Variants in ITGB5 observed in about 807,000 individuals in gnomAD.
The protein encoded by ITGB5 is integrin subunit beta 5.
ITGB5 carries 38 observed loss-of-function variants against 84.8 expected under a neutral mutation model. That is an observed-to-expected ratio of 0.45 (90% confidence interval 0.35 to 0.59). The LOEUF (loss-of-function observed/expected upper bound fraction) is 0.59. ITGB5 is among the 20% of genes least tolerant of loss of function. ITGB5 has a pLI of 0.01. For missense variants in ITGB5, 905 were observed against 1,034.5 expected, an observed-to-expected ratio of 0.87 and a Z score of 1.72; for synonymous variants, 393 against 414.4, an observed-to-expected ratio of 0.95 and a Z score of 0.63.
intron 2 of ITGB5, among the ~76,000 whole-genome samples, chr3:124,869,579 T>C (rs1355145000): frequency 6.6e-6 from 1 of 152,064 alleles, no homozygotes; most frequent in Non-Finnish European, 1.5e-5. Context: ...CTGCCTCAAA[T>C]GAATAAATAA....
At chr3:124,881,860 C>T (rs755674851) in intron 1 of ITGB5, among the ~76,000 whole-genome samples, 1 of 152,060 alleles carries the variant, frequency 6.6e-6, no homozygotes, top group South Asian at 2.1e-4. Flanking sequence ...CCCAGCTACT[C>T]GGGAGGCTGA....
At chr3:124,848,847 T>C (rs1188543533) in intron 3 of ITGB5, among the ~76,000 whole-genome samples, 1 of 152,192 alleles carries the variant, frequency 6.6e-6, no homozygotes. Flanking sequence ...TGGTGCGATC[T>C]TGGCTCACTG....
At chr3:124,818,994 TAGCTTACATG>T (rs1579246734) in intron 7 of ITGB5, among the ~76,000 whole-genome samples, 1 of 152,212 alleles carries the variant, frequency 6.6e-6, no homozygotes, top group Non-Finnish European at 1.5e-5. Context: ...AGTTTACATT[TAGCTTACATG>T]AGCACACCGA....
intron 1 of ITGB5, among the ~76,000 whole-genome samples, chr3:124,875,790 G>A (rs1934282832): frequency 6.6e-6 from 1 of 152,126 alleles, no homozygotes; most frequent in Non-Finnish European, 1.5e-5. Flanking sequence ...TTTAAAAAGT[G>A]GTATACACAT....
At chr3:124,898,705 G>A (rs1286910131) in intron 1 of ITGB5, among the ~76,000 whole-genome samples, 77 of 139,148 alleles carry the variant, frequency 5.5e-4, no homozygotes, top group Admixed American at 1.1e-3. Context: ...TGAAGCAGGA[G>A]GATCACTTGA....
intron 4 of ITGB5, among the ~76,000 whole-genome samples, chr3:124,845,405 C>T (rs532947468): frequency 2.0e-5 from 3 of 152,342 alleles, no homozygotes; most frequent in Non-Finnish European, 4.4e-5. Context: ...AGACAAAGCT[C>T]GGCCTGCTCA....
intron 10 of ITGB5, 49 bp downstream of exon 10, chr3:124,796,339 C>T (rs748226351): frequency 3.4e-5 from 51 of 1,512,210 alleles, no homozygotes; most frequent in Non-Finnish European, 4.2e-5. Context: ...GGTGTCCTAA[C>T]GGCATCTTGG....
intron 4 of ITGB5, among the ~76,000 whole-genome samples, chr3:124,847,933 C>T (rs2065099258): frequency 6.6e-6 from 1 of 152,074 alleles, no homozygotes; most frequent in South Asian, 2.1e-4. Context: ...ATTCATTTCT[C>T]CCAAAGCACC....
At chr3:124,769,237 G>C in intron 11 of ITGB5, 124 bp from the exon 12 acceptor site, 1 of 697,648 alleles carries the variant, frequency 1.4e-6, no homozygotes, top group Non-Finnish European at 2.4e-6. Flanking sequence ...CAGATGTTCA[G>C]CCTCAGGGAA....
At chr3:124,810,669 A>G (rs2064485593) in intron 8 of ITGB5, among the ~76,000 whole-genome samples, 1 of 152,190 alleles carries the variant, frequency 6.6e-6, no homozygotes, top group South Asian at 2.1e-4. Context: ...TCCACTTTGG[A>G]GACTGAGGCC....
In ITGB5 at chr3:124,874,496, C is replaced by A. The variant is rs117313031; in HGVS notation, c.71-965G>T. On this transcript the variant is annotated intron_variant, in intron 1 of 14. Coordinates refer to ENST00000296181, the MANE Select transcript of ITGB5 (RefSeq NM_002213.5). ...TTTTCACAGAAATAGAAAAAACAAT[C>A]CTAAAATTTTTATAAAACCACAAAA... Among the ~76,000 whole-genome samples the A allele has an allele frequency of 8.3e-3, 1,259 of 152,182 alleles. 108 individuals are homozygous for A. In the East Asian group the frequency reaches 0.2, roughly 25 times the overall value.
At chr3:124,896,851 A>G (rs1935113350) in intron 1 of ITGB5, among the ~76,000 whole-genome samples, 1 of 151,464 alleles carries the variant, frequency 6.6e-6, no homozygotes. Flanking sequence ...ACCTGAGCCC[A>G]GGAGTTCAAG....
At chr3:124,838,282 A>C (rs1428964431) in intron 5 of ITGB5, among the ~76,000 whole-genome samples, 1 of 152,188 alleles carries the variant, frequency 6.6e-6, no homozygotes, top group Non-Finnish European at 1.5e-5. Context: ...AAAGAAGAAA[A>C]TAAGCCTATC....
intron 8 of ITGB5, among the ~76,000 whole-genome samples, chr3:124,814,317 A>G (rs2064552317): frequency 6.6e-6 from 1 of 151,948 alleles, no homozygotes; most frequent in South Asian, 2.1e-4. Flanking sequence ...GGAATTATCA[A>G]GGGTCACTTT....
chr3:124,886,818 G>A (rs2107656184), intron 1 of ITGB5, 113 bp downstream of exon 1: 1 of 553,138 alleles, frequency 1.8e-6, no homozygotes, highest in Non-Finnish European at 2.6e-6. Context: ...GGAGTGCCCC[G>A]AAGGCGCCCT....
chr3:124,855,039 G>C (rs1211210980), intron 3 of ITGB5, among the ~76,000 whole-genome samples: 1 of 152,268 alleles, frequency 6.6e-6, no homozygotes, highest in East Asian at 1.9e-4. Context: ...GAGGCCCAGC[G>C]CAGTGGCTCA....
At chr3:124,881,087 G>A (rs187448743) in intron 1 of ITGB5, among the ~76,000 whole-genome samples, 1,966 of 151,880 alleles carry the variant, frequency 0.013, 58 homozygotes, top group African/African-American at 0.043. Context: ...AAGTTCAAGC[G>A]ATCCTCCTGC....
intron 10 of ITGB5, among the ~76,000 whole-genome samples, chr3:124,776,989 T>C (rs2063935638): frequency 6.7e-6 from 1 of 149,408 alleles, no homozygotes; most frequent in Non-Finnish European, 1.5e-5. Context: ...GCTCTTCATT[T>C]CCCCTGGGAT....
intron 11 of ITGB5, chr3:124,769,430 A>C (rs1329386708): frequency 4.0e-6 from 1 of 250,304 alleles, no homozygotes; most frequent in East Asian, 9.5e-5. Flanking sequence ...GTCTGCTCCA[A>C]GCCAGAGGTT....
Sources: gnomAD v4.1 joint callset for allele counts (sites outside exome capture counted in the v4.1 genomes callset) on GRCh38, gnomAD v4.1.1 for gene constraint, MANE v1.5 for transcripts, NCBI Gene and HGNC (gene_info 2026-07-23, HGNC 2026-07-21) for gene names.